The following PACRG variants were observed in gnomAD, a reference collection of about 807,000 sequenced individuals.
The protein encoded by PACRG is parkin coregulated gene protein.
PACRG carries 29 observed loss-of-function variants against 29.7 expected under a neutral mutation model. The observed-to-expected ratio is 0.98, with a 90% CI of 0.73 to 1.33. PACRG has a LOEUF of 1.33. Among genes scored for constraint, PACRG ranks in the 40% most tolerant of loss-of-function variants. PACRG has a pLI of 0.00. For synonymous variants in PACRG, 116 were observed against 118.7 expected, an observed-to-expected ratio of 0.98 and a Z score of 0.15; for missense variants, 279 against 316.2, an observed-to-expected ratio of 0.88 and a Z score of 0.89.
intron 4 of PACRG, among the ~76,000 whole-genome samples, chr6:163,097,196 C>A (rs1222053238): frequency 6.6e-6 from 1 of 152,216 alleles, no homozygotes; most frequent in Admixed American, 6.5e-5. Context: ...TTTGTGGTTT[C>A]TCTGTATAAA....
chr6:162,964,544 T>G (rs1182587872), intron 2 of PACRG, among the ~76,000 whole-genome samples: 1 of 152,120 alleles, frequency 6.6e-6, no homozygotes, highest in Non-Finnish European at 1.5e-5. Flanking sequence ...AGGAAGGGCT[T>G]GGAATGATCA....
chr6:162,866,116 A>G (rs1458319607), intron 2 of PACRG, among the ~76,000 whole-genome samples: 1 of 152,234 alleles, frequency 6.6e-6, no homozygotes. Context: ...TATCACTCTG[A>G]AAACCAAGAA....
At chr6:163,281,543 A>ATTT (rs5881519) in intron 4 of PACRG, among the ~76,000 whole-genome samples, 1 of 148,524 alleles carries the variant, frequency 6.7e-6, no homozygotes, top group Non-Finnish European at 1.5e-5. Context: ...ATCAAGATGA[A>ATTT]TTTTTTTTTT....
At chr6:163,211,100 C>CTT (rs11444292) in intron 4 of PACRG, among the ~76,000 whole-genome samples, 1 of 151,996 alleles carries the variant, frequency 6.6e-6, no homozygotes, top group African/African-American at 2.4e-5. Flanking sequence ...CTCCCACCAC[C>CTT]TTTTTTTTAA....
chr6:163,284,387 G>T (rs1329318188), intron 4 of PACRG, among the ~76,000 whole-genome samples: 1 of 152,166 alleles, frequency 6.6e-6, no homozygotes, highest in East Asian at 1.9e-4. Context: ...ACTGCCCTCT[G>T]GCCCCACAGA....
At chr6:162,997,645 C>G in intron 2 of PACRG, 1 of 244,978 alleles carries the variant, frequency 4.1e-6, no homozygotes, top group South Asian at 3.9e-5. Flanking sequence ...TTCAGATAAA[C>G]TCACTAGATT....
chr6:163,225,393 C>T (rs1781747883), intron 4 of PACRG, among the ~76,000 whole-genome samples: 1 of 152,218 alleles, frequency 6.6e-6, no homozygotes, highest in Admixed American at 6.5e-5. Flanking sequence ...TCCTTAGCTC[C>T]TCACTCCCTC....
At chr6:163,241,548 T>G in intron 4 of PACRG, among the ~76,000 whole-genome samples, 1 of 152,194 alleles carries the variant, frequency 6.6e-6, no homozygotes, top group Non-Finnish European at 1.5e-5. Context: ...ACCAGGGTTT[T>G]GGAAAAAGGA....
At chr6:162,898,480 A>G (rs1465016751) in intron 2 of PACRG, among the ~76,000 whole-genome samples, 5 of 152,224 alleles carry the variant, frequency 3.3e-5, no homozygotes, top group Non-Finnish European at 7.3e-5. Flanking sequence ...GCCTAAATAC[A>G]TATAGCCTTT....
Position 162,857,167 on chromosome 6 carries a change from C to T in PACRG, c.291+42886C>T, listed in dbSNP as rs191147836. On this transcript the variant is annotated intron_variant, in intron 2 of 4. Transcript: ENST00000366888. Reference sequence around the variant, plus strand: ...TTTGAGCTCCGGAATAGCAAAGGCCCCCATCTTGCTCCGAGAGTTCACAGA... The same window carrying T: ...TTTGAGCTCCGGAATAGCAAAGGCCTCCATCTTGCTCCGAGAGTTCACAGA... Among the ~76,000 whole-genome samples, 26 of 152,284 alleles carry T rather than the reference C, an allele frequency of 1.7e-4. No homozygotes were observed. The East Asian group carries it at 3.5e-3, about 20-fold the overall frequency.
At chr6:162,785,946 A>G (rs1258601034) in intron 1 of PACRG, among the ~76,000 whole-genome samples, 2 of 152,224 alleles carry the variant, frequency 1.3e-5, no homozygotes, top group African/African-American at 2.4e-5. Context: ...TGCCCCCTCC[A>G]GAGAGCTGCA....
intron 2 of PACRG, among the ~76,000 whole-genome samples, chr6:162,875,008 CAT>C (rs1193393624): frequency 1.3e-5 from 2 of 152,102 alleles, no homozygotes; most frequent in South Asian, 2.1e-4. Context: ...CATTCATACA[CAT>C]GTATGTATTC....
Position 162,934,260 on chromosome 6 carries a change from CA to C in PACRG, c.291+119991del, listed in dbSNP as rs771565424. 8.0e-4 allele frequency among the ~76,000 whole-genome samples: 117 copies of C among 146,766 alleles called. 2 individuals carry two copies. The South Asian group carries it at 0.018, about 23-fold the overall frequency. On this transcript the variant is annotated intron_variant, in intron 2 of 4. Transcript: ENST00000366888. ...CCTGGCCAACACAGCGAGACTGTCT[CA>C]AAAAAAAAAAATAAATAAATGAAAA...
intron 1 of PACRG, among the ~76,000 whole-genome samples, chr6:162,796,542 A>G (rs1785396654): frequency 6.6e-6 from 1 of 152,108 alleles, no homozygotes; most frequent in South Asian, 2.1e-4. Context: ...TAATTCCCTA[A>G]TATGACTAAT....
At chr6:163,185,846 G>A (rs1469915905) in intron 4 of PACRG, among the ~76,000 whole-genome samples, 1 of 152,152 alleles carries the variant, frequency 6.6e-6, no homozygotes, top group Non-Finnish European at 1.5e-5. Flanking sequence ...TCAGCAGGTT[G>A]TGCATCGGGA....
At chr6:162,739,501 A>G (rs561120931) in intron 1 of PACRG, among the ~76,000 whole-genome samples, 130 of 152,270 alleles carry the variant, frequency 8.5e-4, no homozygotes, top group African/African-American at 3.0e-3. Flanking sequence ...ATTTAACTTT[A>G]GGTATTTATA....
At chr6:163,002,099 A>C (rs1319084431) in intron 2 of PACRG, among the ~76,000 whole-genome samples, 1 of 152,236 alleles carries the variant, frequency 6.6e-6, no homozygotes, top group Non-Finnish European at 1.5e-5. Flanking sequence ...CAAATTTTTC[A>C]GAACGACAGA....
chr6:162,737,778 A>T (rs1015837906), intron 1 of PACRG, among the ~76,000 whole-genome samples: 1 of 152,072 alleles, frequency 6.6e-6, no homozygotes, highest in Non-Finnish European at 1.5e-5. Flanking sequence ...TGATCATATA[A>T]CTCACTAGCA....
intron 4 of PACRG, among the ~76,000 whole-genome samples, chr6:163,237,786 C>T (rs1352123972): frequency 6.6e-6 from 1 of 152,168 alleles, no homozygotes; most frequent in African/African-American, 2.4e-5. Context: ...GAAAATGGCT[C>T]ACACTATTGA....
Sources: gnomAD v4.1 joint callset for allele counts (sites outside exome capture counted in the v4.1 genomes callset) on GRCh38, gnomAD v4.1.1 for gene constraint, MANE v1.5 for transcripts, NCBI Gene and HGNC (gene_info 2026-07-23, HGNC 2026-07-21) for gene names.